Variants in NEMP2 observed in about 807,000 individuals in gnomAD.
NEMP2 encodes the protein UPF0571 transmembrane protein.
NEMP2 carries 53 observed loss-of-function variants against 54.2 expected under a neutral mutation model. The observed-to-expected ratio is 0.98, with a 90% CI of 0.78 to 1.23. The LOEUF is 1.23. Among genes scored for constraint, NEMP2 ranks in the 50% most tolerant of loss-of-function variants. The pLI is 0.00. For missense variants in NEMP2, 455 were observed against 511.3 expected, an observed-to-expected ratio of 0.89 and a Z score of 1.06; for synonymous variants, 197 against 190.3, an observed-to-expected ratio of 1.04 and a Z score of -0.29.
At chr2:190,467,008 C>T in the NEMP2 span, among the ~76,000 whole-genome samples, 1 of 152,168 alleles carries the variant, frequency 6.6e-6, no homozygotes, top group Admixed American at 6.5e-5. The surrounding 1 kb of genome is among the most constrained non-coding windows in gnomAD (Gnocchi z 5.5). Context: ...TGGACTATGG[C>T]CTGGATTGAA....
the NEMP2 span, chr2:190,553,131 C>A: frequency 6.6e-6 from 1 of 151,588 alleles, no homozygotes; most frequent in Non-Finnish European, 1.5e-5. Flanking sequence ...AACAACAATT[C>A]TTATTATTGT....
rs988935071 is a variant in NEMP2 at position 190,507,825 on chromosome 2, T to C, written c.*1364A>G. On this transcript the variant is annotated 3_prime_UTR_variant, in exon 9 of 9. Transcript: ENST00000409150. The surrounding 1 kb of genome is among the most constrained non-coding windows in gnomAD (Gnocchi z 4.4). ...TTAATTTGGCTCAGGAAAGCAGCAG[T>C]GCCAAAATTCTGTCTATCCTTCGCC... 2.0e-5 allele frequency: 3 copies of C among 152,328 alleles called. No homozygotes were observed. Among genetic ancestry groups the C allele is most frequent in the Middle Eastern group, 3.4e-3 (1 of 294 alleles). 9.4% of individuals were successfully genotyped at this position (152,328 alleles called of 1,614,324 possible). A position where few individuals can be genotyped will look rare whatever the true frequency, so the allele number is the denominator to read the frequency against.
chr2:190,423,046 CT>C, the NEMP2 span, among the ~76,000 whole-genome samples: 2 of 152,172 alleles, frequency 1.3e-5, no homozygotes, highest in Non-Finnish European at 2.9e-5. The surrounding 1 kb of genome is among the most constrained non-coding windows in gnomAD (Gnocchi z 4.3). Context: ...AGGGTAACCC[CT>C]ATCCTAACTT....
At chr2:190,572,871 A>ATATATG in the NEMP2 span, among the ~76,000 whole-genome samples, 5 of 127,504 alleles carry the variant, frequency 3.9e-5, no homozygotes, top group Non-Finnish European at 6.8e-5. Flanking sequence ...ATATATATAT[A>ATATATG]TATATGTATA....
chr2:190,604,889 G>A, the NEMP2 span, among the ~76,000 whole-genome samples: 4 of 151,996 alleles, frequency 2.6e-5, no homozygotes, highest in Admixed American at 1.3e-4. The surrounding 1 kb of genome is among the most constrained non-coding windows in gnomAD (Gnocchi z 4.5). Context: ...GACCAAAACC[G>A]AACGTAAAAC....
the NEMP2 span, among the ~76,000 whole-genome samples, chr2:190,540,185 T>C: frequency 6.6e-6 from 1 of 152,362 alleles, no homozygotes. Context: ...CATATGGTTT[T>C]TGTTCTGGGT....
downstream of NEMP2, among the ~76,000 whole-genome samples, chr2:190,503,811 AG>A (rs1470054275): frequency 2.0e-5 from 3 of 152,112 alleles, no homozygotes. This position sits in a 1 kb window ranked among gnomAD's most constrained non-coding sequence, Gnocchi z 6.3. Context: ...AAGGGGTGAA[AG>A]GGGGAGTGGT....
the NEMP2 span, among the ~76,000 whole-genome samples, chr2:190,588,783 T>C: frequency 6.6e-6 from 1 of 152,122 alleles, no homozygotes; most frequent in East Asian, 1.9e-4. This position sits in a 1 kb window ranked among gnomAD's most constrained non-coding sequence, Gnocchi z 5.0. Context: ...AGCTTGTTGA[T>C]TGGCAAGTCA....
the NEMP2 span, among the ~76,000 whole-genome samples, chr2:190,565,183 C>T: frequency 6.6e-6 from 1 of 151,954 alleles, no homozygotes; most frequent in Admixed American, 6.6e-5. Flanking sequence ...CAAGAGACAC[C>T]CAGTAGGAAT....
At chr2:190,643,045 T>G in the NEMP2 span, among the ~76,000 whole-genome samples, 49 of 123,496 alleles carry the variant, frequency 4.0e-4, no homozygotes, top group Non-Finnish European at 7.1e-4. Context: ...TTTTTTTTTT[T>G]GGGTCAAAAG....
the NEMP2 span, among the ~76,000 whole-genome samples, chr2:190,574,921 C>T: frequency 2.6e-5 from 4 of 151,734 alleles, no homozygotes; most frequent in Non-Finnish European, 1.5e-5. Context: ...GTGGTGCGAT[C>T]TCAGCTCACT....
the NEMP2 span, chr2:190,436,657 G>C: frequency 2.5e-6 from 4 of 1,614,186 alleles, no homozygotes; most frequent in South Asian, 4.4e-5. This position sits in a 1 kb window ranked among gnomAD's most constrained non-coding sequence, Gnocchi z 5.3. Flanking sequence ...CAATGTCTCA[G>C]ACACCGTTAC....
the NEMP2 span, among the ~76,000 whole-genome samples, chr2:190,552,193 G>A: frequency 6.6e-6 from 1 of 152,164 alleles, no homozygotes; most frequent in Non-Finnish European, 1.5e-5. Flanking sequence ...GTCAAAGTCT[G>A]TCAAGTTTCA....
the NEMP2 span, among the ~76,000 whole-genome samples, chr2:190,621,425 T>C: frequency 6.6e-6 from 1 of 152,188 alleles, no homozygotes; most frequent in African/African-American, 2.4e-5. Flanking sequence ...GGATCACCAT[T>C]ATATATGTGG....
the NEMP2 span, among the ~76,000 whole-genome samples, chr2:190,592,715 G>T: frequency 2.0e-5 from 3 of 151,976 alleles, no homozygotes; most frequent in Non-Finnish European, 4.4e-5. The surrounding 1 kb of genome is among the most constrained non-coding windows in gnomAD (Gnocchi z 4.4). Context: ...TGTTAGAAAG[G>T]CTCCCAAATT....
At chr2:190,592,448 C>A in the NEMP2 span, among the ~76,000 whole-genome samples, 2 of 152,060 alleles carry the variant, frequency 1.3e-5, no homozygotes, top group African/African-American at 4.8e-5. This position sits in a 1 kb window ranked among gnomAD's most constrained non-coding sequence, Gnocchi z 4.4. Flanking sequence ...CAAGGCAGAT[C>A]TGAGTATTTT....
the NEMP2 span, among the ~76,000 whole-genome samples, chr2:190,459,753 T>C: frequency 1.3e-5 from 2 of 152,262 alleles, no homozygotes; most frequent in Non-Finnish European, 2.9e-5. This position sits in a 1 kb window ranked among gnomAD's most constrained non-coding sequence, Gnocchi z 5.3. Flanking sequence ...TCAGTCATTT[T>C]AGAGGGAAGA....
At chr2:190,515,350 A>T (rs1413845050) in intron 6 of NEMP2, among the ~76,000 whole-genome samples, 1 of 152,226 alleles carries the variant, frequency 6.6e-6, no homozygotes, top group African/African-American at 2.4e-5. Flanking sequence ...TTTCTTTAGC[A>T]TATCACTATG....
chr2:190,527,040 C>T lies in NEMP2; in HGVS notation c.98-1662G>A, dbSNP rs745439515. Among the ~76,000 whole-genome samples the T allele has an allele frequency of 1.2e-4, 18 of 152,216 alleles. 1 individual carries two copies. The Middle Eastern group carries it at 0.017, about 144-fold the overall frequency. ...ATTTGAAATGAAGTGGAATGAAAGT[C>T]GTAAGTTCTTCCGGATTCAAGATAG... On this transcript the variant is annotated intron_variant, in intron 1 of 8. Transcript: ENST00000409150. The surrounding 1 kb of genome is among the most constrained non-coding windows in gnomAD (Gnocchi z 4.0).
Sources: allele counts gnomAD v4.1 joint callset (sites outside exome capture counted in the v4.1 genomes callset), GRCh38; gene constraint gnomAD v4.1.1; non-coding constraint Gnocchi (gnomAD v3.1); transcripts MANE v1.5; gene names NCBI Gene and HGNC (gene_info 2026-07-23, HGNC 2026-07-21).